Variants in PEX5L observed in about 807,000 individuals in gnomAD.
The protein encoded by PEX5L is peroxisomal biogenesis factor 5 like.
In PEX5L, 30 loss-of-function variants were observed where a neutral mutation model predicts 84.0. That is an observed-to-expected ratio of 0.36 (90% CI 0.27 to 0.48). The LOEUF is 0.48. Ranked by LOEUF, PEX5L falls within the 20% of genes least tolerant of loss-of-function variation. The probability of loss-of-function intolerance (pLI) is 0.99; values close to 1 mark genes in which losing one functional copy is unlikely to be tolerated. For synonymous variants in PEX5L, 270 were observed against 283.1 expected, an observed-to-expected ratio of 0.95 and a Z score of 0.46; for missense variants, 533 against 754.6, an observed-to-expected ratio of 0.71 and a Z score of 3.44.
intron 3 of PEX5L, chr3:179,896,034 A>G (rs958079897): frequency 2.6e-5 from 4 of 152,128 alleles, no homozygotes; most frequent in African/African-American, 9.7e-5. Context: ...CACACAAGAT[A>G]ACAAGTAAGA....
At chr3:179,974,496 G>A (rs1160771519) in intron 1 of PEX5L, among the ~76,000 whole-genome samples, 1 of 152,192 alleles carries the variant, frequency 6.6e-6, no homozygotes, top group Non-Finnish European at 1.5e-5. Flanking sequence ...GAGGTCCTAA[G>A]GCGGGAAAGG....
At chr3:180,026,133 C>CTTTTTTTTTTTTTTTT (rs368852075) in intron 1 of PEX5L, among the ~76,000 whole-genome samples, 1 of 101,762 alleles carries the variant, frequency 9.8e-6, no homozygotes, top group Non-Finnish European at 2.0e-5. Context: ...TTTCAGCATT[C>CTTTTTTTTTTTTTTTT]TTTTTTTTTT....
intron 2 of PEX5L, among the ~76,000 whole-genome samples, chr3:179,907,913 TC>T (rs1328482284): frequency 6.6e-6 from 1 of 152,144 alleles, no homozygotes; most frequent in Non-Finnish European, 1.5e-5. Context: ...ATCAGCTGGT[TC>T]CCCAGTCACC....
chr3:179,896,444 G>C (rs945091876), intron 3 of PEX5L, among the ~76,000 whole-genome samples: 1 of 151,926 alleles, frequency 6.6e-6, no homozygotes, highest in Non-Finnish European at 1.5e-5. Flanking sequence ...GGAAGAACTT[G>C]GTACAAACAA....
intron 7 of PEX5L, among the ~76,000 whole-genome samples, chr3:179,870,196 C>T (rs1749801547): frequency 6.6e-6 from 1 of 152,162 alleles, no homozygotes; most frequent in Non-Finnish European, 1.5e-5. Context: ...AATTTATATC[C>T]TCATAGTTCC....
chr3:180,035,788 A>G (rs1367413062), intron 1 of PEX5L, among the ~76,000 whole-genome samples: 1 of 152,252 alleles, frequency 6.6e-6, no homozygotes, highest in African/African-American at 2.4e-5. Context: ...TAAAGAGTCC[A>G]GTTCATACTT....
At chr3:179,939,451 C>T (rs1403682060) in intron 2 of PEX5L, among the ~76,000 whole-genome samples, 2 of 152,044 alleles carry the variant, frequency 1.3e-5, no homozygotes, top group Admixed American at 6.6e-5. Flanking sequence ...TAAACTAAAG[C>T]AAGATGTTCA....
At chr3:179,965,417 T>C (rs1432780763) in intron 2 of PEX5L, among the ~76,000 whole-genome samples, 1 of 152,196 alleles carries the variant, frequency 6.6e-6, no homozygotes, top group African/African-American at 2.4e-5. Context: ...TATTATTGCA[T>C]TGTACAGATG....
chr3:180,016,761 T>C (rs928051710), intron 1 of PEX5L, among the ~76,000 whole-genome samples: 1 of 152,228 alleles, frequency 6.6e-6, no homozygotes, highest in South Asian at 2.1e-4. Context: ...TAAAGTGTTA[T>C]TCTTAAATGT....
chr3:179,899,506 G>A (rs562462708), intron 2 of PEX5L, among the ~76,000 whole-genome samples: 31 of 152,114 alleles, frequency 2.0e-4, no homozygotes, highest in Non-Finnish European at 3.2e-4. Context: ...AAGCTTGATC[G>A]TTTCCATGCA....
chr3:179,851,351 A>G (rs1021778595), intron 8 of PEX5L, among the ~76,000 whole-genome samples: 6 of 152,190 alleles, frequency 3.9e-5, no homozygotes, highest in Non-Finnish European at 7.3e-5. Flanking sequence ...ACATGTTTGT[A>G]GGACAAACAA....
intron 2 of PEX5L, among the ~76,000 whole-genome samples, chr3:179,970,970 T>C (rs1239980551): frequency 6.6e-6 from 1 of 152,186 alleles, no homozygotes; most frequent in Non-Finnish European, 1.5e-5. Flanking sequence ...AACCTTCCAT[T>C]ACCTGGTATG....
At chr3:179,827,353 G>A (rs1053215312) in intron 8 of PEX5L, among the ~76,000 whole-genome samples, 9 of 152,180 alleles carry the variant, frequency 5.9e-5, no homozygotes, top group African/African-American at 2.2e-4. Flanking sequence ...GCCCCATGGA[G>A]GTGTTCCAGC....
At position 179,800,354 on chromosome 3, in the gene PEX5L, A is replaced by C. The variant is rs971867295; in HGVS notation, c.*1474T>G. On this transcript the variant is annotated 3_prime_UTR_variant, in exon 15 of 15. Coordinates refer to ENST00000467460, the MANE Select transcript of PEX5L (RefSeq NM_016559.3). ...ACATAAATAAAAAGTTGTTAGGATT[A>C]GCTACTGTGGGGAAGGTTCTAGACG... 1 of 152,224 alleles carries C rather than the reference A, an allele frequency of 6.6e-6. No homozygotes were observed. The highest frequency in any genetic ancestry group is 1.5e-5 in the Non-Finnish European group (1 of 68,036). 9.4% of individuals were successfully genotyped at this position (152,224 alleles called of 1,614,324 possible).
intron 5 of PEX5L, among the ~76,000 whole-genome samples, chr3:179,879,183 T>C (rs865867283): frequency 7.9e-5 from 12 of 152,250 alleles, no homozygotes; most frequent in Non-Finnish European, 1.0e-4. Context: ...CTTGGCTTTC[T>C]AAGATACCTG....
intron 8 of PEX5L, among the ~76,000 whole-genome samples, chr3:179,832,253 C>CAG (rs369773488): frequency 6.6e-6 from 1 of 151,344 alleles, no homozygotes; most frequent in Non-Finnish European, 1.5e-5. Flanking sequence ...GAGAGAGAGA[C>CAG]AGAGAGAGAG....
intron 2 of PEX5L, among the ~76,000 whole-genome samples, chr3:179,930,768 T>A (rs747473038): frequency 2.1e-4 from 32 of 152,224 alleles, no homozygotes; most frequent in Non-Finnish European, 3.8e-4. Context: ...TCTAAAGACA[T>A]TTTATGCTTG....
intron 2 of PEX5L, among the ~76,000 whole-genome samples, chr3:179,953,916 C>T (rs1779779581): frequency 6.6e-6 from 1 of 152,166 alleles, no homozygotes; most frequent in African/African-American, 2.4e-5. Flanking sequence ...TGCTTAGCAA[C>T]TAATGAAGCT....
intron 9 of PEX5L, 119 bp downstream of exon 9, chr3:179,819,741 C>T: frequency 6.8e-6 from 6 of 880,492 alleles, no homozygotes; most frequent in Non-Finnish European, 1.1e-5. Context: ...GTCAGATTGA[C>T]ATTAAATTGT....
Sources: gnomAD v4.1 joint callset for allele counts (sites outside exome capture counted in the v4.1 genomes callset) on GRCh38, gnomAD v4.1.1 for gene constraint, MANE v1.5 for transcripts, NCBI Gene and HGNC (gene_info 2026-07-23, HGNC 2026-07-21) for gene names.